Variants in EVA1C observed in about 807,000 individuals in gnomAD.
The protein encoded by EVA1C is protein eva-1 homolog C.
EVA1C carries 25 observed loss-of-function variants against 45.4 expected under a neutral mutation model. That is an observed-to-expected ratio of 0.55 (90% confidence interval 0.40 to 0.77). EVA1C has a LOEUF of 0.77. Ranked by LOEUF, EVA1C falls within the 30% of genes least tolerant of loss-of-function variation. The probability of loss-of-function intolerance (pLI) is 0.00; values close to 1 mark genes in which losing one functional copy is unlikely to be tolerated. For missense variants in EVA1C, 479 were observed against 554.8 expected, an observed-to-expected ratio of 0.86 and a Z score of 1.37; for synonymous variants, 190 against 221.2, an observed-to-expected ratio of 0.86 and a Z score of 1.25.
intron 1 of EVA1C, among the ~76,000 whole-genome samples, chr21:32,440,408 G>A (rs1192895706): frequency 1.3e-5 from 2 of 152,118 alleles, no homozygotes; most frequent in African/African-American, 2.4e-5. Flanking sequence ...GATGGTGTTC[G>A]CTGCATAACT....
chr21:32,457,524 C>A (rs1258068667), intron 2 of EVA1C, 73 bp from the exon 3 acceptor site: 2 of 1,591,280 alleles, frequency 1.3e-6, no homozygotes, highest in East Asian at 4.5e-5. Context: ...GAGCCCAGAG[C>A]AGCCCAGGTT....
intron 4 of EVA1C, among the ~76,000 whole-genome samples, chr21:32,485,856 C>T (rs187749896): frequency 1.8e-4 from 28 of 152,324 alleles, no homozygotes; most frequent in Admixed American, 3.3e-4. Context: ...GTAACTGTTA[C>T]AGCCACTCAG....
rs1008169716 is a variant in EVA1C at position 32,471,313 on chromosome 21, C to G, written c.634+3465C>G. ...CGGGCTCTGTGTTCCCCTACTCCCACTCCTTTTTTTCTTTTTTCTTTTTTT... is the reference window on the plus strand; with the variant it reads ...CGGGCTCTGTGTTCCCCTACTCCCAGTCCTTTTTTTCTTTTTTCTTTTTTT... On this transcript the variant is annotated intron_variant, in intron 4 of 7. Transcript: ENST00000300255. Among the ~76,000 whole-genome samples the G allele has an allele frequency of 6.1e-5, 9 of 148,186 alleles. 1 individual carries two copies. The highest frequency in any genetic ancestry group is 1.0e-4 in the Non-Finnish European group (7 of 67,634).
chr21:32,497,816 C>G (rs761915423), intron 5 of EVA1C, among the ~76,000 whole-genome samples: 2 of 152,020 alleles, frequency 1.3e-5, no homozygotes, highest in African/African-American at 2.4e-5. Context: ...TGGCGGCAGG[C>G]AAAAAGAGAG....
At chr21:32,492,437 A>G (rs929524134) in intron 4 of EVA1C, among the ~76,000 whole-genome samples, 1 of 152,146 alleles carries the variant, frequency 6.6e-6, no homozygotes, top group Non-Finnish European at 1.5e-5. Context: ...AAGGAAAAGC[A>G]TAAGTCTGGA....
At chr21:32,424,076 A>G (rs1006632371) in intron 1 of EVA1C, among the ~76,000 whole-genome samples, 1 of 152,078 alleles carries the variant, frequency 6.6e-6, no homozygotes, top group Non-Finnish European at 1.5e-5. Context: ...AATGTGGGGG[A>G]ATAATCTGGA....
At chr21:32,472,922 A>G (rs2036429056) in intron 4 of EVA1C, among the ~76,000 whole-genome samples, 1 of 152,238 alleles carries the variant, frequency 6.6e-6, no homozygotes. Context: ...GTGTACGTGC[A>G]AGGGTGAGGA....
At chr21:32,477,591 G>A (rs942048082) in intron 4 of EVA1C, among the ~76,000 whole-genome samples, 2 of 151,810 alleles carry the variant, frequency 1.3e-5, no homozygotes, top group Non-Finnish European at 2.9e-5. Context: ...ATTGTTGGTG[G>A]GAAACGTGAG....
intron 1 of EVA1C, among the ~76,000 whole-genome samples, chr21:32,436,056 G>A (rs571620146): frequency 3.9e-5 from 6 of 152,194 alleles, no homozygotes; most frequent in Admixed American, 2.6e-4. Flanking sequence ...TTGTTTGTTT[G>A]TTTGTTTGTT....
At chr21:32,458,680 C>G (rs2035883161) in intron 3 of EVA1C, among the ~76,000 whole-genome samples, 1 of 151,912 alleles carries the variant, frequency 6.6e-6, no homozygotes, top group Admixed American at 6.6e-5. Flanking sequence ...AGGGTTTTGC[C>G]ATGTTGGTCA....
rs1485767380 is a variant in EVA1C, at chr21:32,412,760, GC to G, written c.-92del. 3 of 1,222,486 alleles carry G rather than the reference GC, an allele frequency of 2.5e-6. No homozygotes were observed. The highest frequency in any genetic ancestry group is 2.1e-6 in the Non-Finnish European group (2 of 953,438). The allele number at this position is 1,222,486 out of a possible 1,614,324, so 75.7% of individuals were successfully genotyped here. A position where few individuals can be genotyped will look rare whatever the true frequency, so the allele number is the denominator to read the frequency against. ...GCGGCGGGGGGCCGCGGAGCCGCTG[GC>G]CATCGATTCTCCCCGCCATGTGACG... On this transcript the variant is annotated 5_prime_UTR_variant, in exon 1 of 8. Transcript: ENST00000300255.
intron 3 of EVA1C, among the ~76,000 whole-genome samples, chr21:32,464,308 G>A (rs1442351200): frequency 6.6e-6 from 1 of 152,152 alleles, no homozygotes; most frequent in East Asian, 1.9e-4. Flanking sequence ...GCAGGATAGG[G>A]ATTTTGTGAG....
At chr21:32,448,975 G>A (rs1045864159) in intron 1 of EVA1C, among the ~76,000 whole-genome samples, 1 of 143,492 alleles carries the variant, frequency 7.0e-6, no homozygotes, top group African/African-American at 2.6e-5. Context: ...GAAAAAGAAA[G>A]AAAGAAAGAG....
At chr21:32,475,878 TTTATCTATCTATCTATC>T (rs772497201) in intron 4 of EVA1C, among the ~76,000 whole-genome samples, 58,903 of 147,848 alleles carry the variant, frequency 0.4, 12,074 homozygotes, top group East Asian at 0.5. Context: ...TTCTAAAAAC[TTTATCTATCTATCTATC>T]TATCTATCTA....
At chr21:32,443,688 G>A (rs547536439) in intron 1 of EVA1C, among the ~76,000 whole-genome samples, 19 of 152,228 alleles carry the variant, frequency 1.2e-4, no homozygotes, top group African/African-American at 4.1e-4. Flanking sequence ...TCCAAGAGGT[G>A]GCTATCACAG....
At chr21:32,414,579 A>T (rs946024782) in intron 1 of EVA1C, among the ~76,000 whole-genome samples, 1 of 152,234 alleles carries the variant, frequency 6.6e-6, no homozygotes, top group Admixed American at 6.5e-5. Context: ...TACTTGTAAC[A>T]GTCTATAGAT....
intron 3 of EVA1C, among the ~76,000 whole-genome samples, chr21:32,466,871 G>C (rs2036195122): frequency 6.6e-6 from 1 of 151,570 alleles, no homozygotes; most frequent in Admixed American, 6.6e-5. Context: ...ATGTTTCCCA[G>C]GCTGGTCTCC....
intron 1 of EVA1C, among the ~76,000 whole-genome samples, chr21:32,423,640 C>G (rs1421338921): frequency 6.6e-6 from 1 of 151,996 alleles, no homozygotes; most frequent in Non-Finnish European, 1.5e-5. Flanking sequence ...CATTTCCTTA[C>G]ATGAATTTCT....
At chr21:32,512,819 CAGA>C (rs2037999970) in intron 7 of EVA1C, among the ~76,000 whole-genome samples, 1 of 151,868 alleles carries the variant, frequency 6.6e-6, no homozygotes, top group South Asian at 2.1e-4. Context: ...AACAGCATCA[CAGA>C]AGGAGAGGGT....
Sources: gnomAD v4.1 joint callset for allele counts (sites outside exome capture counted in the v4.1 genomes callset) on GRCh38, gnomAD v4.1.1 for gene constraint, MANE v1.5 for transcripts, NCBI Gene and HGNC (gene_info 2026-07-23, HGNC 2026-07-21) for gene names.